Variants in SMIM36 observed in about 807,000 individuals in gnomAD.
The protein encoded by SMIM36 is small integral membrane protein 36.
intron 4 of SMIM36, among the ~76,000 whole-genome samples, chr17:55,466,024 T>C (rs1909229841): frequency 6.6e-6 from 1 of 152,038 alleles, no homozygotes; most frequent in African/African-American, 2.4e-5. Context: ...ACGCTTGTAA[T>C]CTCAGCACTT....
At chr17:55,490,448 G>A (rs995708242) in intron 1 of SMIM36, among the ~76,000 whole-genome samples, 2 of 152,138 alleles carry the variant, frequency 1.3e-5, no homozygotes, top group African/African-American at 4.8e-5. Context: ...CGGTAAGAAT[G>A]GGCCTGACAG....
chr17:55,481,099 CCTCTCTCTCTCTTTAT>C (rs1909512452), intron 1 of SMIM36, among the ~76,000 whole-genome samples: 2 of 149,680 alleles, frequency 1.3e-5, no homozygotes, highest in Non-Finnish European at 3.0e-5. Context: ...TCTCTCTCTC[CCTCTCTCTCTCTTTAT>C]CTCTCTCTCT....
exon 3 of SMIM36, chr17:55,478,782 C>G (rs969204962): frequency 6.6e-6 from 1 of 152,098 alleles, no homozygotes; most frequent in Non-Finnish European, 1.5e-5. Context: ...TGCAGTGTCT[C>G]TTAAGACACC....
At chr17:55,471,057 C>A (rs1291162821) in intron 3 of SMIM36, among the ~76,000 whole-genome samples, 2 of 152,146 alleles carry the variant, frequency 1.3e-5, no homozygotes, top group African/African-American at 4.8e-5. Flanking sequence ...TCAATACCCC[C>A]TCCCACAACT....
At chr17:55,494,322 G>A (rs565488650) in intron 1 of SMIM36, among the ~76,000 whole-genome samples, 1 of 151,242 alleles carries the variant, frequency 6.6e-6, no homozygotes, top group African/African-American at 2.5e-5. Context: ...TTTCCTTTGT[G>A]TATTAAAAAA....
the SMIM36 span, among the ~76,000 whole-genome samples, chr17:55,528,326 C>T: frequency 1.3e-5 from 2 of 151,952 alleles, no homozygotes; most frequent in South Asian, 2.1e-4. Context: ...TGGGATTATT[C>T]AAGGAAGTTC....
chr17:55,493,813 A>ATC (rs1482723834), intron 1 of SMIM36, among the ~76,000 whole-genome samples: 8,255 of 118,588 alleles, frequency 0.07, 486 homozygotes, highest in East Asian at 0.22. Flanking sequence ...TCTCTCAAAA[A>ATC]AAAAAAAAAA....
intron 4 of SMIM36, among the ~76,000 whole-genome samples, chr17:55,464,272 C>T (rs1312558883): frequency 1.3e-5 from 2 of 152,018 alleles, no homozygotes; most frequent in Admixed American, 6.6e-5. Flanking sequence ...GTATTGATTC[C>T]ACGTGGAGCC....
Position 55,501,053 on chromosome 17 carries a change from A to G in SMIM36, c.*174+9826T>C, listed in dbSNP as rs1307807208. 1.5e-4 allele frequency among the ~76,000 whole-genome samples: 10 copies of G among 65,564 alleles called. 1 individual carries two copies. The East Asian group carries it at 1.9e-3, about 13-fold the overall frequency. 43.0% of individuals were successfully genotyped at this position (65,564 alleles called of 152,430 possible). On this transcript the variant is annotated intron_variant, in intron 1 of 4. Transcript: ENST00000636752. ...AATATATTATTATATATTATAATAT[A>G]TAATATATTATTATATATTATAATA...
chr17:55,459,976 A>C (rs1206585489), intron 4 of SMIM36, among the ~76,000 whole-genome samples: 1 of 152,186 alleles, frequency 6.6e-6, no homozygotes, highest in Non-Finnish European at 1.5e-5. Context: ...TGGGCAACAG[A>C]GTGAGACCCT....
At chr17:55,512,536 G>C (rs1201932502), upstream of SMIM36, among the ~76,000 whole-genome samples, 2 of 152,232 alleles carry the variant, frequency 1.3e-5, no homozygotes, top group African/African-American at 4.8e-5. Context: ...TCGGATTACA[G>C]TTATTCCTTG....
the SMIM36 span, among the ~76,000 whole-genome samples, chr17:55,519,609 G>A: frequency 6.6e-6 from 1 of 152,222 alleles, no homozygotes; most frequent in Non-Finnish European, 1.5e-5. Context: ...TAAAAAATCT[G>A]CAGGGGCAGA....
chr17:55,523,748 G>C, the SMIM36 span, among the ~76,000 whole-genome samples: 1 of 152,070 alleles, frequency 6.6e-6, no homozygotes, highest in Non-Finnish European at 1.5e-5. Flanking sequence ...TCCAGCTTCA[G>C]GGAAAAGTAA....
At chr17:55,526,730 C>T in the SMIM36 span, among the ~76,000 whole-genome samples, 2 of 152,100 alleles carry the variant, frequency 1.3e-5, no homozygotes, top group African/African-American at 2.4e-5. Context: ...ATTCTTTGGG[C>T]GACAACAGAA....
intron 1 of SMIM36, among the ~76,000 whole-genome samples, chr17:55,491,116 G>A (rs7212345): frequency 0.79 from 120,446 of 151,580 alleles, 48,305 homozygotes; most frequent in Non-Finnish European, 0.82. Flanking sequence ...ATGTGGTGGT[G>A]CTGTAGTTTC....
At chr17:55,502,472 C>A (rs1910010602) in intron 1 of SMIM36, among the ~76,000 whole-genome samples, 1 of 108,560 alleles carries the variant, frequency 9.2e-6, no homozygotes, top group Non-Finnish European at 1.8e-5. Flanking sequence ...ACACTGACAC[C>A]TCACACGGCA....
At chr17:55,497,878 G>A (rs1433270483) in intron 1 of SMIM36, among the ~76,000 whole-genome samples, 2 of 152,152 alleles carry the variant, frequency 1.3e-5, no homozygotes, top group Non-Finnish European at 2.9e-5. Context: ...GCTTTGACAT[G>A]TTAAACAACT....
chr17:55,485,447 TGC>T (rs2143283164), intron 1 of SMIM36, among the ~76,000 whole-genome samples: 1 of 112,244 alleles, frequency 8.9e-6, no homozygotes, highest in Non-Finnish European at 1.9e-5. Flanking sequence ...CACCATACCC[TGC>T]TGATTTTTTT....
chr17:55,531,332 A>G, the SMIM36 span, among the ~76,000 whole-genome samples: 1 of 152,108 alleles, frequency 6.6e-6, no homozygotes, highest in African/African-American at 2.4e-5. Flanking sequence ...ACTGGCTCCA[A>G]TTGTCACCTT....
Sources: gnomAD v4.1 joint callset for allele counts (sites outside exome capture counted in the v4.1 genomes callset) on GRCh38, gnomAD v4.1.1 for gene constraint, MANE v1.5 for transcripts, NCBI Gene and HGNC (gene_info 2026-07-23, HGNC 2026-07-21) for gene names.